The following ZFAND1 variants were observed in gnomAD, a reference collection of about 807,000 sequenced individuals.
The protein encoded by ZFAND1 is AN1-type zinc finger protein 1.
Under a neutral mutation model 38.5 loss-of-function variants are expected in ZFAND1, and 40 were observed. That is an observed-to-expected ratio of 1.04 (90% confidence interval 0.81 to 1.35). The LOEUF (loss-of-function observed/expected upper bound fraction) is 1.35, where lower values mean the gene tolerates loss of function less well. ZFAND1 is among the 40% of genes most tolerant of loss of function. The pLI is 0.00. For missense variants in ZFAND1, 346 were observed against 316.3 expected (o/e 1.09, Z -0.71); for synonymous variants, 117 against 103.6 (o/e 1.13, Z -0.78).
At chr8:81,713,371 T>A (rs1366235970) in intron 6 of ZFAND1, among the ~76,000 whole-genome samples, 1 of 152,020 alleles carries the variant, frequency 6.6e-6, no homozygotes, top group Non-Finnish European at 1.5e-5. Flanking sequence ...GATCCACCCA[T>A]CTTGGCCTCC....
chr8:81,714,515 C>G (rs1342751797), intron 5 of ZFAND1: 1 of 346,466 alleles, frequency 2.9e-6, no homozygotes, highest in African/African-American at 2.1e-5. Flanking sequence ...AAGCAGCTGA[C>G]TACTTCAATC....
chr8:81,711,356 G>A (rs930048927), intron 6 of ZFAND1, among the ~76,000 whole-genome samples: 2 of 152,186 alleles, frequency 1.3e-5, no homozygotes, highest in Non-Finnish European at 2.9e-5. Context: ...ACGTTGCAGT[G>A]AGCTGAGATC....
At chr8:81,714,631 C>A in intron 5 of ZFAND1, 173 bp downstream of exon 5, 1 of 600,514 alleles carries the variant, frequency 1.7e-6, no homozygotes, top group Non-Finnish European at 2.9e-6. Flanking sequence ...TCCAAATTTC[C>A]ATCGGTCAGG....
Position 81,719,310 on chromosome 8 carries a change from A to AACACACACACACACACACAC in ZFAND1, c.56-1106_56-1087dup, listed in dbSNP as rs71268018. On this transcript the variant is annotated intron_variant, in intron 1 of 7. Coordinates refer to ENST00000220669, the MANE Select transcript of ZFAND1 (RefSeq NM_024699.3). The stretch of plus-strand genomic sequence containing the variant: ...ATGGCGAAACCCCATCTCTACTGAA[A>AACACACACACACACACACAC]ACACACACACACACACACACACACA... 7.1e-4 allele frequency among the ~76,000 whole-genome samples: 89 copies of AACACACACACACACACACAC among 124,936 alleles called. 1 individual carries two copies. Among genetic ancestry groups the AACACACACACACACACACAC allele is most frequent in the South Asian group, 1.4e-3 (5 of 3,552 alleles). The allele number at this position is 124,936 out of a possible 152,430, so 82.0% of individuals were successfully genotyped here.
Position 81,702,763 on chromosome 8 carries a change from T to A in ZFAND1, c.739A>T (p.Asn247Tyr). ...KEDCPLYNGG[N>Y]IILEYLNDEE... is the part of the protein sequence containing the mutation. ...TCATTAAGATATTCCAAGATTATAT[T>A]TCCACCATTATATAAAGGACAATCC... Residue 247 changes from asparagine (N) to tyrosine (Y), a missense_variant, in exon 8 of 8, where the codon AAT becomes TAT. Transcript: ENST00000220669. The A allele has an allele frequency of 6.2e-7, 1 of 1,603,052 alleles. No individual in the cohort carries two copies.
intron 6 of ZFAND1, among the ~76,000 whole-genome samples, chr8:81,713,467 T>C (rs1445269293): frequency 2.0e-5 from 3 of 152,104 alleles, no homozygotes; most frequent in East Asian, 1.9e-4. Flanking sequence ...ATAACACATA[T>C]AACACTCAAC....
At position 81,702,605 on chromosome 8, in the gene ZFAND1, A is replaced by C. The variant is rs1807843498; in HGVS notation, c.*90T>G. 1 of 1,102,924 alleles carries C rather than the reference A, an allele frequency of 9.1e-7. No homozygotes were observed. Among genetic ancestry groups the C allele is most frequent in the African/African-American group, 1.6e-5 (1 of 61,176 alleles). 68.3% of individuals were successfully genotyped at this position (1,102,924 alleles called of 1,614,324 possible). ...AATAAGTTAAAAAGCAACTTTTAAA[A>C]ATTACAAAAATAGTATTTGTAGTAA... On this transcript the variant is annotated 3_prime_UTR_variant, in exon 8 of 8. Transcript: ENST00000220669.
In ZFAND1 at chr8:81,714,257, T is replaced by C. The variant is rs1808232630; in HGVS notation, c.359-218A>G. 6 of 448,846 alleles carry C rather than the reference T, an allele frequency of 1.3e-5. No homozygotes were observed. In the South Asian group the frequency reaches 1.8e-4, roughly 14 times the overall value. 27.8% of individuals were successfully genotyped at this position (448,846 alleles called of 1,614,324 possible). A position where few individuals can be genotyped will look rare whatever the true frequency, so the allele number is the denominator to read the frequency against. ...AATCTCCACATCAAAAAATCCACTA[T>C]AATGTGCTTCTTTTCAACTTAAGCC... On this transcript the variant is annotated intron_variant, in intron 5 of 7. Coordinates refer to ENST00000220669, the MANE Select transcript of ZFAND1 (RefSeq NM_024699.3).
intron 6 of ZFAND1, among the ~76,000 whole-genome samples, chr8:81,710,194 G>A (rs909028311): frequency 2.0e-5 from 3 of 152,170 alleles, no homozygotes; most frequent in African/African-American, 7.2e-5. Context: ...ATTGCTGAAT[G>A]TCCCCTTAGG....
Position 81,721,293 on chromosome 8 carries a change from C to T in ZFAND1, c.-12G>A. The T allele has an allele frequency of 6.5e-7, 1 of 1,547,806 alleles. No homozygotes were observed. On this transcript the variant is annotated 5_prime_UTR_variant, in exon 1 of 8. Transcript: ENST00000220669. Reference sequence around the variant, plus strand: ...TCCAACTCCGCCATCTCTCCGGCGCCGTAAGGGGCGGGGCAAAGCCTGAGG... The same window carrying T: ...TCCAACTCCGCCATCTCTCCGGCGCTGTAAGGGGCGGGGCAAAGCCTGAGG...
intron 1 of ZFAND1, among the ~76,000 whole-genome samples, chr8:81,718,956 G>C (rs562489530): frequency 6.6e-6 from 1 of 151,980 alleles, no homozygotes; most frequent in Non-Finnish European, 1.5e-5. Context: ...TACAGAGACA[G>C]ATATAAAGAT....
rs1563611520 is a variant in ZFAND1 at position 81,719,355 on chromosome 8, A to AC, written c.56-1132_56-1131insG. On this transcript the variant is annotated intron_variant, in intron 1 of 7. Transcript: ENST00000220669. ...CACACACACACACACACACACACAC[A>AC]AATTAGCTGGGCGTGGTGGTTCATG... Among the ~76,000 whole-genome samples, 1,103 of 150,112 alleles carry AC rather than the reference A, an allele frequency of 7.3e-3. 16 individuals carry two copies. The highest frequency in any genetic ancestry group is 0.025 in the African/African-American group (998 of 40,700).
chr8:81,708,653 T>A lies in ZFAND1; in HGVS notation c.480+5265A>T, dbSNP rs575319106. Reference sequence around the variant, plus strand: ...TACAAATTAAAGCAATTATGAAATATCTTTTTATAGCCACCAGACTGTAAA... The same window carrying A: ...TACAAATTAAAGCAATTATGAAATAACTTTTTATAGCCACCAGACTGTAAA... On this transcript the variant is annotated intron_variant, in intron 6 of 7. Coordinates refer to ENST00000220669, the MANE Select transcript of ZFAND1 (RefSeq NM_024699.3). 12 of 619,544 alleles carry A rather than the reference T, an allele frequency of 1.9e-5. No individual in the cohort carries two copies. The African/African-American group carries it at 2.4e-4, about 12-fold the overall frequency. 38.4% of individuals were successfully genotyped at this position (619,544 alleles called of 1,614,324 possible).
Position 81,703,009 on chromosome 8 carries a change from A to C in ZFAND1, c.596T>G (p.Leu199Arg). 1 of 1,554,808 alleles carries C rather than the reference A, an allele frequency of 6.4e-7. No homozygotes were observed. Among genetic ancestry groups the C allele is most frequent in the Non-Finnish European group, 8.7e-7 (1 of 1,149,152 alleles). ...IGKAIDFAAS[L>R]ARLKNDNNKF... ...GTTATTGTCATTTTTAAGCCTGGCT[A>C]GAGAAGCGGCAAAGTCTATGGCCTT... The change falls in exon 7 of 8, where the codon CTA becomes CGA. Residue 199 changes from leucine (L) to arginine (R), a missense_variant. By Grantham distance (102) the Leu-to-Arg change is moderately radical (BLOSUM62 -2). Transcript: ENST00000220669.
chr8:81,713,954 T>C lies in ZFAND1; in HGVS notation c.444A>G (p.Leu148=). 6.2e-7 allele frequency: 1 copy of C among 1,612,878 alleles called. No homozygotes were observed. Among genetic ancestry groups the C allele is most frequent in the Middle Eastern group, 1.7e-4 (1 of 6,052 alleles). ...ACTTATCGCCATCAGCATGCATCTT[T>C]AATTTCATCAATGCAACCTTTGCAG... ...ETAAKVALMK[L]KMHADGDKSL... The change falls in exon 6 of 8, where the codon TTA becomes TTG. Residue 148 remains leucine, a synonymous_variant. Transcript: ENST00000220669.
chr8:81,703,510 G>A (rs1199473623), intron 6 of ZFAND1, among the ~76,000 whole-genome samples: 1 of 152,156 alleles, frequency 6.6e-6, no homozygotes, highest in African/African-American at 2.4e-5. Context: ...TGCAACCTCC[G>A]CCTCCAGGGT....
chr8:81,714,967 C>T lies in ZFAND1; in HGVS notation c.266+20G>A, dbSNP rs759186669. The T allele has an allele frequency of 3.1e-6, 5 of 1,613,896 alleles. No homozygotes were observed. Among genetic ancestry groups the T allele is most frequent in the Non-Finnish European group, 4.2e-6 (5 of 1,179,926 alleles). On this transcript the variant is annotated intron_variant, in intron 4 of 7. Transcript: ENST00000220669. Reference sequence around the variant, plus strand: ...CTTAAACAGATATACAAAGTGTGAACAGCCTAAGTGATCAATCACCTCAGG... The same window carrying T: ...CTTAAACAGATATACAAAGTGTGAATAGCCTAAGTGATCAATCACCTCAGG...
At position 81,719,310 on chromosome 8, in the gene ZFAND1, A is replaced by AACACACACACACACAC. The variant is rs71268018; in HGVS notation, c.56-1102_56-1087dup. ...ATGGCGAAACCCCATCTCTACTGAA[A>AACACACACACACACAC]ACACACACACACACACACACACACA... On this transcript the variant is annotated intron_variant, in intron 1 of 7. Transcript: ENST00000220669. Among the ~76,000 whole-genome samples the AACACACACACACACAC allele has an allele frequency of 6.7e-3, 843 of 124,898 alleles. 9 individuals carry two copies. The highest frequency in any genetic ancestry group is 9.1e-3 in the African/African-American group (284 of 31,074). The allele number at this position is 124,898 out of a possible 152,430, so 81.9% of individuals were successfully genotyped here.
intron 6 of ZFAND1, among the ~76,000 whole-genome samples, chr8:81,713,091 A>G (rs546386486): frequency 6.6e-6 from 1 of 150,668 alleles, no homozygotes; most frequent in South Asian, 2.1e-4. Flanking sequence ...GATAGGTTCT[A>G]ACAATCTTTT....
Sources: gnomAD v4.1 joint callset for allele counts (sites outside exome capture counted in the v4.1 genomes callset) on GRCh38, gnomAD v4.1.1 for gene constraint, MANE v1.5 for transcripts, NCBI Gene and HGNC (gene_info 2026-07-23, HGNC 2026-07-21) for gene names.